The following TENM4 variants were observed in gnomAD, a reference collection of about 807,000 sequenced individuals.
TENM4 encodes the protein teneurin-4.
A neutral mutation model predicts 243.3 loss-of-function variants in TENM4; 82 were observed. The observed-to-expected ratio is 0.34, with a 90% CI of 0.28 to 0.40. The LOEUF is 0.40. TENM4 is among the 10% of genes least tolerant of loss of function. TENM4 has a pLI of 1.00. For missense variants in TENM4, 3,138 were observed against 3,673.3 expected (o/e 0.85, Z 3.77); for synonymous variants, 1,412 against 1,456.3 (o/e 0.97, Z 0.69).
At chr11:78,687,963 T>C in intron 29 of TENM4, 91 bp downstream of exon 29, 1 of 1,462,974 alleles carries the variant, frequency 6.8e-7, no homozygotes, top group Middle Eastern at 2.5e-4. Context: ...CTTGGGCAGC[T>C]CCAGCAGCAG....
intron 15 of TENM4, among the ~76,000 whole-genome samples, chr11:78,804,421 A>G (rs1436556026): frequency 6.6e-6 from 1 of 152,184 alleles, no homozygotes; most frequent in East Asian, 1.9e-4. Context: ...GTAAATTGGT[A>G]AAACATGGAT....
At chr11:79,144,292 C>T (rs932175131) in intron 4 of TENM4, among the ~76,000 whole-genome samples, 5 of 151,860 alleles carry the variant, frequency 3.3e-5, no homozygotes, top group Non-Finnish European at 7.4e-5. Flanking sequence ...ATCCAAAAAG[C>T]AGGCAATAAT....
At chr11:79,277,414 A>G (rs189949575) in intron 2 of TENM4, among the ~76,000 whole-genome samples, 4 of 152,304 alleles carry the variant, frequency 2.6e-5, no homozygotes, top group East Asian at 3.9e-4. Context: ...AATTATCCCT[A>G]TTTTACAGAT....
At chr11:78,957,405 C>T (rs1316023351) in intron 6 of TENM4, among the ~76,000 whole-genome samples, 1 of 152,160 alleles carries the variant, frequency 6.6e-6, no homozygotes, top group African/African-American at 2.4e-5. Context: ...TAGAAACAGG[C>T]ACAATTTTGC....
At chr11:79,229,766 C>T (rs1430815591) in intron 2 of TENM4, among the ~76,000 whole-genome samples, 1 of 152,188 alleles carries the variant, frequency 6.6e-6, no homozygotes, top group Non-Finnish European at 1.5e-5. Context: ...GCTTGACACA[C>T]AGCAGGCACT....
intron 19 of TENM4, among the ~76,000 whole-genome samples, chr11:78,745,170 A>T (rs1267642150): frequency 6.6e-6 from 1 of 152,022 alleles, no homozygotes; most frequent in Non-Finnish European, 1.5e-5. Flanking sequence ...CATAATACAC[A>T]ATAATACACA....
chr11:79,257,470 A>C (rs192491239), intron 2 of TENM4, among the ~76,000 whole-genome samples: 1 of 152,290 alleles, frequency 6.6e-6, no homozygotes, highest in Non-Finnish European at 1.5e-5. Context: ...GGGAGAGGAC[A>C]CCAGCCAGAG....
At chr11:78,903,835 C>A (rs1320288552) in intron 6 of TENM4, 1 of 635,470 alleles carries the variant, frequency 1.6e-6, no homozygotes, top group Non-Finnish European at 2.9e-6. Context: ...TTGTTTCATG[C>A]TTTTAGGACG....
intron 4 of TENM4, among the ~76,000 whole-genome samples, chr11:79,132,159 A>G (rs1028425905): frequency 4.0e-5 from 6 of 151,470 alleles, no homozygotes; most frequent in East Asian, 3.9e-4. Flanking sequence ...TGGCTAACAC[A>G]GTGAAACCCT....
At chr11:79,132,972 A>C (rs1300837038) in intron 4 of TENM4, among the ~76,000 whole-genome samples, 1 of 152,192 alleles carries the variant, frequency 6.6e-6, no homozygotes, top group Non-Finnish European at 1.5e-5. Context: ...ACCCAAACCC[A>C]GCATAAGTAA....
At chr11:79,378,370 A>G (rs763684672) in intron 1 of TENM4, among the ~76,000 whole-genome samples, 1 of 152,246 alleles carries the variant, frequency 6.6e-6, no homozygotes, top group African/African-American at 2.4e-5. Context: ...TGACAGGGCA[A>G]CTGGGGAAGA....
intron 4 of TENM4, among the ~76,000 whole-genome samples, chr11:79,082,474 C>T (rs891865604): frequency 3.3e-5 from 5 of 152,328 alleles, no homozygotes; most frequent in Middle Eastern, 6.8e-3. Context: ...CATCCTGCTT[C>T]CTTCCACGGC....
chr11:78,777,642 A>G (rs557147642), intron 17 of TENM4, among the ~76,000 whole-genome samples: 1 of 152,264 alleles, frequency 6.6e-6, no homozygotes, highest in South Asian at 2.1e-4. Context: ...TCCTGTTAGC[A>G]AGAGAAGAGA....
intron 4 of TENM4, chr11:79,093,470 C>T (rs1208646629): frequency 6.6e-6 from 1 of 152,278 alleles, no homozygotes; most frequent in African/African-American, 2.4e-5. Flanking sequence ...CCTAGGGCCC[C>T]ACTCAAGGCA....
chr11:79,194,256 T>C (rs1423219432), intron 3 of TENM4, among the ~76,000 whole-genome samples: 1 of 151,902 alleles, frequency 6.6e-6, no homozygotes, highest in Non-Finnish European at 1.5e-5. Flanking sequence ...TTTGGATATG[T>C]CTTTATCAAC....
intron 14 of TENM4, among the ~76,000 whole-genome samples, chr11:78,808,174 C>T (rs1857429785): frequency 6.6e-6 from 1 of 152,144 alleles, no homozygotes; most frequent in South Asian, 2.1e-4. Context: ...GTCACAGACA[C>T]AAATGGGCAA....
intron 6 of TENM4, among the ~76,000 whole-genome samples, chr11:78,951,425 C>A (rs1857106527): frequency 6.6e-6 from 1 of 152,262 alleles, no homozygotes. Flanking sequence ...AAATAACAGA[C>A]ATGCAAAGTC....
chr11:78,817,938 A>G (rs1035767878), intron 12 of TENM4, among the ~76,000 whole-genome samples: 4 of 152,154 alleles, frequency 2.6e-5, no homozygotes, highest in African/African-American at 7.2e-5. Flanking sequence ...AAAGGCCTGG[A>G]CATCTTACAC....
At chr11:78,752,261 A>T (rs1363385956) in intron 19 of TENM4, among the ~76,000 whole-genome samples, 2 of 152,182 alleles carry the variant, frequency 1.3e-5, no homozygotes, top group Non-Finnish European at 1.5e-5. Flanking sequence ...TCACTCCAGG[A>T]GATGGGGTCT....
Sources: allele counts gnomAD v4.1 joint callset (sites outside exome capture counted in the v4.1 genomes callset), GRCh38; gene constraint gnomAD v4.1.1; transcripts MANE v1.5; gene names NCBI Gene and HGNC (gene_info 2026-07-23, HGNC 2026-07-21).